Variants in DOT1L observed in about 807,000 individuals in gnomAD.
DOT1L encodes the protein histone-lysine N-methyltransferase, H3 lysine-79 specific.
A neutral mutation model predicts 153.3 loss-of-function variants in DOT1L; 33 were observed. That is an observed-to-expected ratio of 0.22 (90% CI 0.16 to 0.29). DOT1L has a LOEUF of 0.29. Among genes scored for constraint, DOT1L ranks in the 10% least tolerant of loss-of-function variants. DOT1L has a pLI of 1.00. For missense variants in DOT1L, 1,847 were observed against 2,119.9 expected (o/e 0.87, Z 2.53); for synonymous variants, 1,135 against 965.1 (o/e 1.18, Z -3.26).
intron 1 of DOT1L, among the ~76,000 whole-genome samples, chr19:2,170,408 C>T (rs2021549659): frequency 6.6e-6 from 1 of 152,182 alleles, no homozygotes; most frequent in Non-Finnish European, 1.5e-5. Context: ...TATCTTCCAG[C>T]AGTGTGAGGT....
intron 1 of DOT1L, among the ~76,000 whole-genome samples, chr19:2,171,433 G>A (rs2021613928): frequency 1.3e-5 from 2 of 152,284 alleles, no homozygotes; most frequent in African/African-American, 4.8e-5. Flanking sequence ...GGGTGGAGGT[G>A]GCTCTGCCCC....
At chr19:2,205,713 A>T (rs892422326) in intron 9 of DOT1L, among the ~76,000 whole-genome samples, 3 of 151,106 alleles carry the variant, frequency 2.0e-5, no homozygotes, top group African/African-American at 7.3e-5. Context: ...TTTTTTTTTG[A>T]GACAGGGTCT....
chr19:2,210,354 TG>T, intron 12 of DOT1L, 45 bp from the exon 13 acceptor site: 1 of 1,446,432 alleles, frequency 6.9e-7, no homozygotes. Flanking sequence ...AGGAGGGCCG[TG>T]GGCAGCGCTG....
rs1254633097 is a variant in DOT1L at position 2,190,931 on chromosome 19, G to A, written c.265-81G>A. The A allele has an allele frequency of 3.7e-6, 5 of 1,368,174 alleles. No homozygotes were observed. The highest frequency in any genetic ancestry group is 4.0e-6 in the Non-Finnish European group (4 of 1,007,464). The allele number at this position is 1,368,174 out of a possible 1,614,324, so 84.8% of individuals were successfully genotyped here. On this transcript the variant is annotated intron_variant, in intron 4 of 27. Coordinates refer to ENST00000398665, the MANE Select transcript of DOT1L (RefSeq NM_032482.3). This position sits in a 1 kb window ranked among gnomAD's most constrained non-coding sequence, Gnocchi z 4.8. The stretch of plus-strand genomic sequence containing the variant: ...ATGCAGCCGACTCCCTGCTTCCGCT[G>A]GGAAAGGTCCCGGGTCTTGGTGGTG...
At chr19:2,223,528 G>GCACCTCCT in intron 25 of DOT1L, 42 bp downstream of exon 25, 3 of 1,351,934 alleles carry the variant, frequency 2.2e-6, no homozygotes, top group Non-Finnish European at 2.9e-6. Context: ...CTGGCAGCAG[G>GCACCTCCT]GGCAGGAGGT....
intron 1 of DOT1L, among the ~76,000 whole-genome samples, chr19:2,176,090 A>G (rs1319190858): frequency 6.6e-6 from 1 of 152,118 alleles, no homozygotes; most frequent in Non-Finnish European, 1.5e-5. Context: ...GGCTGCTTTT[A>G]CTAGACATCC....
intron 1 of DOT1L, among the ~76,000 whole-genome samples, chr19:2,172,825 A>G (rs2021715673): frequency 6.7e-6 from 1 of 150,364 alleles, no homozygotes; most frequent in African/African-American, 2.4e-5. Flanking sequence ...TTTTTTTGAA[A>G]TAACATCCTT....
intron 1 of DOT1L, among the ~76,000 whole-genome samples, chr19:2,165,184 A>T (rs1245501769): frequency 6.6e-6 from 1 of 152,078 alleles, no homozygotes; most frequent in Non-Finnish European, 1.5e-5. Context: ...TTTCGGGGAA[A>T]AGTGAAGCAG....
At chr19:2,186,838 C>A (rs754313111) in intron 3 of DOT1L, among the ~76,000 whole-genome samples, 1 of 152,206 alleles carries the variant, frequency 6.6e-6, no homozygotes, top group African/African-American at 2.4e-5. Context: ...CCTCTCGCCA[C>A]CCCCCCTCAT....
chr19:2,180,171 T>C (rs956429906), intron 1 of DOT1L, among the ~76,000 whole-genome samples: 2 of 152,118 alleles, frequency 1.3e-5, no homozygotes, highest in African/African-American at 4.8e-5. Context: ...GTGGTTTTTT[T>C]CCCATGGTAC....
intron 1 of DOT1L, among the ~76,000 whole-genome samples, chr19:2,171,049 G>C (rs1203312369): frequency 6.6e-6 from 1 of 152,124 alleles, no homozygotes; most frequent in Non-Finnish European, 1.5e-5. Context: ...TGCATTCTCC[G>C]CCTCCCAGGC....
chr19:2,209,063 A>G (rs1203085564), intron 12 of DOT1L, 87 bp downstream of exon 12: 41 of 1,475,574 alleles, frequency 2.8e-5, no homozygotes, highest in Middle Eastern at 1.8e-4. Context: ...CGGGTTCAGG[A>G]GCCACGACTG....
rs115935456 is a variant in DOT1L, at chr19:2,168,034, C to T, written c.81+3769C>T. Among the ~76,000 whole-genome samples, 1,264 of 152,290 alleles carry T rather than the reference C, an allele frequency of 8.3e-3. 14 individuals carry two copies. Among genetic ancestry groups the T allele is most frequent in the African/African-American group, 0.027 (1,104 of 41,540 alleles). On this transcript the variant is annotated intron_variant, in intron 1 of 27. Transcript: ENST00000398665. The stretch of plus-strand genomic sequence containing the variant: ...ACAGGCGTGAACCACCGTGCCCAGA[C>T]GCAGCTGCAGCAGCACATTTATTCA...
At chr19:2,202,212 G>A (rs942980091) in intron 8 of DOT1L, among the ~76,000 whole-genome samples, 3 of 152,182 alleles carry the variant, frequency 2.0e-5, no homozygotes, top group Non-Finnish European at 4.4e-5. Flanking sequence ...TGGTTCCCCT[G>A]TCCTTGCCAG....
At chr19:2,225,325 C>A in intron 25 of DOT1L, 63 bp from the exon 26 acceptor site, 2 of 1,512,332 alleles carry the variant, frequency 1.3e-6, no homozygotes, top group Non-Finnish European at 1.8e-6. Flanking sequence ...TGGCTGTCAG[C>A]ATTTGTGTCA....
chr19:2,227,460 G>C (rs890734064), intron 27 of DOT1L: 72 of 577,168 alleles, frequency 1.2e-4, no homozygotes, highest in Non-Finnish European at 7.6e-5. Flanking sequence ...TCTGGGAGCT[G>C]GTGTTGGGTA....
Position 2,226,917 on chromosome 19 carries a change from G to T in DOT1L, c.4396G>T (p.Gly1466Cys). Residue 1466 changes from glycine to cysteine, a missense_variant, in exon 27 of 28, where the codon GGC becomes TGC. By Grantham distance (159) the Gly-to-Cys change is radical. Transcript: ENST00000398665. ...CGCCCAGACGCACCGGTCCTTCCTG[G>T]GCCCCTTCCCGCCGGGACCGCAGTT... is the stretch of plus-strand genomic sequence containing the variant. ...SSAQTHRSFL[G>C]PFPPGPQFAL... 1 of 1,580,790 alleles carries T rather than the reference G, an allele frequency of 6.3e-7. No homozygotes were observed. Among genetic ancestry groups the T allele is most frequent in the Non-Finnish European group, 8.5e-7 (1 of 1,172,080 alleles).
rs762127719 is a variant in DOT1L, at chr19:2,227,155, C to T, written c.4606+28C>T. ...AGGCAGGGCGGCCGTCCGTCCGCCC[C>T]CCGCCCCGGCCCCCGCCGGAGGCCC... is the stretch of plus-strand genomic sequence containing the variant. On this transcript the variant is annotated intron_variant, in intron 27 of 27. Transcript: ENST00000398665. 2.6e-6 allele frequency: 4 copies of T among 1,564,458 alleles called. No homozygotes were observed. In the South Asian group the frequency reaches 4.6e-5, roughly 18 times the overall value.
At position 2,226,276 on chromosome 19, in the gene DOT1L, G is replaced by T; in HGVS notation, c.3755G>T (p.Gly1252Val). The T allele has an allele frequency of 1.3e-6, 2 of 1,596,500 alleles. No individual in the cohort carries two copies. Among genetic ancestry groups the T allele is most frequent in the East Asian group, 2.3e-5 (1 of 44,298 alleles). The change falls in exon 27 of 28, where the codon GGC becomes GTC. Residue 1252 changes from glycine to valine, a missense_variant. Gly to Val is a moderately radical substitution (Grantham distance 109). Around this residue, in one of 8 missense-constraint regions of DOT1L, gnomAD observed 934 missense variants for 825.3 expected, o/e 1.13. Transcript: ENST00000398665. The stretch of plus-strand genomic sequence containing the variant: ...ACCTTCTCGCCCATCTCCGACATCG[G>T]CCTGGCCAAGTCGGCGGACAGCCCG... ...KSTFSPISDI[G>V]LAKSADSPLQ...
Sources: allele counts gnomAD v4.1 joint callset (sites outside exome capture counted in the v4.1 genomes callset), GRCh38; gene constraint gnomAD v4.1.1; regional missense constraint gnomAD v4.1.1; non-coding constraint Gnocchi (gnomAD v3.1); transcripts MANE v1.5; gene names NCBI Gene and HGNC (gene_info 2026-07-23, HGNC 2026-07-21).